Variants in ARNT observed in about 807,000 individuals in gnomAD.
The protein encoded by ARNT is class E basic helix-loop-helix protein 2.
ARNT carries 30 observed loss-of-function variants against 105.0 expected under a neutral mutation model. The observed-to-expected ratio is 0.29, with a 90% CI of 0.21 to 0.39. The LOEUF is 0.39. Ranked by LOEUF, ARNT falls within the 10% of genes least tolerant of loss-of-function variation. ARNT has a pLI of 1.00. For missense variants in ARNT, 748 were observed against 978.7 expected (o/e 0.76, Z 3.15); for synonymous variants, 304 against 344.0 (o/e 0.88, Z 1.29).
At position 150,836,318 on chromosome 1, in the gene ARNT, A is replaced by C. The variant is rs753893261; in HGVS notation, c.662T>G (p.Leu221Arg). ...DQVHPDDVDK[L>R]REQLSTSENA... ...TTCTGAAGTGGAAAGCTGCTCACGA[A>C]GTTTATCCACATCATCTGGGTGCAC... The change falls in exon 7 of 22, where the codon CTT becomes CGT. Residue 221 changes from leucine (L) to arginine (R), a missense_variant. By Grantham distance (102) the Leu-to-Arg change is moderately radical. Around this residue, in one of 4 missense-constraint regions of ARNT, gnomAD observed 291 missense variants for 444.6 expected, o/e 0.65. Coordinates refer to ENST00000358595, the MANE Select transcript of ARNT (RefSeq NM_001668.4). The C allele has an allele frequency of 6.2e-7, 1 of 1,614,158 alleles. No homozygotes were observed. Among genetic ancestry groups the C allele is most frequent in the Non-Finnish European group, 8.5e-7 (1 of 1,180,038 alleles).
intron 14 of ARNT, among the ~76,000 whole-genome samples, chr1:150,822,159 G>C (rs1347243608): frequency 6.6e-6 from 1 of 151,550 alleles, no homozygotes; most frequent in Non-Finnish European, 1.5e-5. Flanking sequence ...TTTTCAAATT[G>C]TCACAAATAT....
intron 5 of ARNT, 92 bp from the exon 6 acceptor site, chr1:150,839,746 AAGAATG>A (rs1660945280): frequency 2.3e-6 from 3 of 1,304,870 alleles, no homozygotes; most frequent in Non-Finnish European, 3.2e-6. Context: ...TGTGCTGCTG[AAGAATG>A]TGGTATTCAG....
chr1:150,839,752 G>T, intron 5 of ARNT, 98 bp from the exon 6 acceptor site: 1 of 1,257,474 alleles, frequency 8.0e-7, no homozygotes, highest in Non-Finnish European at 1.1e-6. Flanking sequence ...GCTGAAGAAT[G>T]TGGTATTCAG....
chr1:150,836,340 G>A lies in ARNT; in HGVS notation c.640C>T (p.His214Tyr). The stretch of plus-strand genomic sequence containing the variant: ...CGAAGTTTATCCACATCATCTGGGT[G>A]CACCTGATCATAGAGTGTGCTGCCA... ...WFGSTLYDQV[H>Y]PDDVDKLREQ... Residue 214 changes from histidine (H) to tyrosine (Y), a missense_variant, in exon 7 of 22, where the codon CAC (histidine) becomes TAC (tyrosine). Around this residue, in one of 4 missense-constraint regions of ARNT, gnomAD observed 291 missense variants for 444.6 expected, o/e 0.65. Coordinates refer to ENST00000358595, the MANE Select transcript of ARNT (RefSeq NM_001668.4). 1 of 1,614,140 alleles carries A rather than the reference G, an allele frequency of 6.2e-7. No homozygotes were observed. The highest frequency in any genetic ancestry group is 8.5e-7 in the Non-Finnish European group (1 of 1,180,022).
chr1:150,822,673 T>G (rs1276670136), intron 14 of ARNT, among the ~76,000 whole-genome samples: 8 of 152,040 alleles, frequency 5.3e-5, no homozygotes, highest in Admixed American at 3.9e-4. Flanking sequence ...TAAACATAGG[T>G]AAATGTTCCC....
intron 13 of ARNT, among the ~76,000 whole-genome samples, chr1:150,826,054 C>T (rs952180761): frequency 5.9e-5 from 9 of 151,944 alleles, no homozygotes; most frequent in African/African-American, 2.2e-4. Context: ...CCTGGGATTA[C>T]AGGCATGCAC....
intron 8 of ARNT, among the ~76,000 whole-genome samples, chr1:150,832,671 C>T (rs756354372): frequency 1.3e-5 from 2 of 152,178 alleles, no homozygotes; most frequent in African/African-American, 2.4e-5. Context: ...TACATATTTT[C>T]AGCTTTGCGG....
At chr1:150,817,454 G>C (rs774544024) in intron 15 of ARNT, 21 bp from the exon 16 acceptor site, 2 of 1,608,540 alleles carry the variant, frequency 1.2e-6, no homozygotes, top group South Asian at 2.2e-5. Flanking sequence ...AAGGCCAGTT[G>C]ACAAGACAAA....
chr1:150,825,050 C>T (rs1472152021), intron 13 of ARNT, among the ~76,000 whole-genome samples: 1 of 151,610 alleles, frequency 6.6e-6, no homozygotes, highest in Non-Finnish European at 1.5e-5. Context: ...TTAGTAGAGA[C>T]AGGGTTTCAA....
intron 4 of ARNT, 47 bp downstream of exon 4, chr1:150,846,216 C>T (rs1207824555): frequency 6.5e-7 from 1 of 1,526,798 alleles, no homozygotes; most frequent in Non-Finnish European, 9.0e-7. Flanking sequence ...GGTTCTACAA[C>T]ATGGATCATA....
intron 19 of ARNT, among the ~76,000 whole-genome samples, chr1:150,814,778 G>C (rs1035260097): frequency 6.6e-6 from 1 of 152,160 alleles, no homozygotes; most frequent in Admixed American, 6.5e-5. Context: ...GGGAGACAGA[G>C]GTTGCAGTGA....
At chr1:150,833,781 CAA>C (rs1318216648) in intron 8 of ARNT, among the ~76,000 whole-genome samples, 1 of 138,554 alleles carries the variant, frequency 7.2e-6, no homozygotes, top group Non-Finnish European at 1.6e-5. Flanking sequence ...AATTTCTAAC[CAA>C]AAAAAAAAAG....
chr1:150,821,635 C>T (rs1241455440), intron 14 of ARNT, among the ~76,000 whole-genome samples: 1 of 151,970 alleles, frequency 6.6e-6, no homozygotes, highest in Admixed American at 6.6e-5. Context: ...TGTATGTATA[C>T]GTTGTGATAC....
intron 1 of ARNT, among the ~76,000 whole-genome samples, chr1:150,859,398 G>A (rs1430763120): frequency 1.3e-5 from 2 of 149,810 alleles, no homozygotes; most frequent in Non-Finnish European, 1.5e-5. Context: ...CCAGGCTGGA[G>A]TACAGTGGCA....
chr1:150,844,436 G>C (rs1661803950), intron 4 of ARNT, among the ~76,000 whole-genome samples: 1 of 152,122 alleles, frequency 6.6e-6, no homozygotes, highest in African/African-American at 2.4e-5. Flanking sequence ...CAAAGCCTGA[G>C]ATTGCATCTC....
intron 15 of ARNT, 103 bp downstream of exon 15, chr1:150,817,813 CAAAA>C (rs35672926): frequency 1.4e-4 from 96 of 685,624 alleles, no homozygotes; most frequent in Middle Eastern, 5.8e-4. Context: ...AACTCCTTCT[CAAAA>C]AAAAAAAAAA....
Position 150,852,789 on chromosome 1 carries a change from T to C in ARNT, c.155A>G (p.Asp52Gly). ...KRRPGLDFDDDGEGNSKFLRC... is the reference protein window; with the variant it reads ...KRRPGLDFDDGGEGNSKFLRC... ...CAAAAATTTACTGTTCCCTTCTCCA[T>C]CATCATCAAAATCCAGCCTGAGGAA... Residue 52 changes from aspartate to glycine, a missense_variant, in exon 3 of 22, where the codon GAT (aspartate) becomes GGT (glycine). This residue lies in a region of ARNT where 93 missense variants were observed against 101.6 expected (regional missense o/e 0.92). Transcript: ENST00000358595. 6.2e-7 allele frequency: 1 copy of C among 1,614,012 alleles called. No homozygotes were observed. The highest frequency in any genetic ancestry group is 8.5e-7 in the Non-Finnish European group (1 of 1,179,966).
At chr1:150,830,580 T>C (rs1454236216) in intron 10 of ARNT, among the ~76,000 whole-genome samples, 1 of 152,220 alleles carries the variant, frequency 6.6e-6, no homozygotes, top group Non-Finnish European at 1.5e-5. Context: ...AAAACTATGC[T>C]GGCCAAATAT....
intron 1 of ARNT, among the ~76,000 whole-genome samples, chr1:150,873,458 AT>A (rs1180965667): frequency 2.0e-5 from 3 of 152,142 alleles, no homozygotes; most frequent in African/African-American, 7.2e-5. Flanking sequence ...GAGAAAAAAA[AT>A]CATCACAGAA....
Sources: allele counts gnomAD v4.1 joint callset (sites outside exome capture counted in the v4.1 genomes callset), GRCh38; gene constraint gnomAD v4.1.1; regional missense constraint gnomAD v4.1.1; transcripts MANE v1.5; gene names NCBI Gene and HGNC (gene_info 2026-07-23, HGNC 2026-07-21).